KLF8: variants seen among roughly 807,000 people sequenced by gnomAD.
The protein encoded by KLF8 is KLF transcription factor 8, also known as Krueppel-like factor 8.
KLF8 carries 10 observed loss-of-function variants against 18.2 expected under a neutral mutation model. The ratio of observed to expected loss-of-function variants is 0.55; its 90% CI spans 0.34 to 0.93. KLF8 has a LOEUF of 0.93. KLF8 is among the 40% of genes least tolerant of loss of function. The pLI, the probability that KLF8 is intolerant of heterozygous loss-of-function variation, is 0.02. For synonymous variants in KLF8, 109 were observed against 97.3 expected, an observed-to-expected ratio of 1.12 and a Z score of -0.71; for missense variants, 264 against 277.9, an observed-to-expected ratio of 0.95 and a Z score of 0.36.
chrX:56,023,158 A>T, the KLF8 span, among the ~76,000 whole-genome samples: 5 of 111,857 alleles, frequency 4.5e-5, no homozygotes, highest in Non-Finnish European at 9.4e-5. Flanking sequence ...TTTGTATATT[A>T]TTTAATTTTA....
At chrX:56,053,191 C>T in the KLF8 span, among the ~76,000 whole-genome samples, 54 of 112,450 alleles carry the variant, frequency 4.8e-4, no homozygotes, top group Non-Finnish European at 3.8e-4. Flanking sequence ...GAGATGAACC[C>T]GGTACCTCAG....
chrX:56,043,323 G>A, the KLF8 span, among the ~76,000 whole-genome samples: 2 of 109,971 alleles, frequency 1.8e-5, no homozygotes, highest in African/African-American at 3.3e-5. Context: ...GTATCTTACA[G>A]GGGTTCTCTG....
At chrX:56,160,253 A>T in the KLF8 span, among the ~76,000 whole-genome samples, 1 of 111,795 alleles carries the variant, frequency 8.9e-6, no homozygotes, top group Non-Finnish European at 1.9e-5. Flanking sequence ...GGTCTGAGAG[A>T]CAGTTTGTTA....
At chrX:56,164,995 A>G in the KLF8 span, among the ~76,000 whole-genome samples, 1 of 84,600 alleles carries the variant, frequency 1.2e-5, no homozygotes, top group Non-Finnish European at 2.2e-5. Context: ...GAGTGGGAAT[A>G]TGCGGTGTTT....
chrX:56,157,223 C>T, the KLF8 span, among the ~76,000 whole-genome samples: 44 of 72,091 alleles, frequency 6.1e-4, no homozygotes, highest in Middle Eastern at 8.3e-3. Context: ...CATCACACAC[C>T]GGGGCCTGTT....
At chrX:56,038,984 A>G in the KLF8 span, among the ~76,000 whole-genome samples, 1 of 110,964 alleles carries the variant, frequency 9.0e-6, no homozygotes, top group East Asian at 2.8e-4. Context: ...TTTTTTCCCT[A>G]TGTTTGATGG....
intron 2 of KLF8, among the ~76,000 whole-genome samples, chrX:56,256,938 G>A (rs1412117215): frequency 8.9e-6 from 1 of 111,819 alleles, no homozygotes; most frequent in African/African-American, 3.3e-5. Flanking sequence ...CCCAACCTCA[G>A]GTGATCTGTC....
At chrX:56,187,601 G>A in the KLF8 span, among the ~76,000 whole-genome samples, 1 of 111,736 alleles carries the variant, frequency 8.9e-6, no homozygotes, top group Non-Finnish European at 1.9e-5. Context: ...TATCCTTGAT[G>A]AACATCGATG....
chrX:55,961,211 G>A, the KLF8 span: 1 of 287,746 alleles, frequency 3.5e-6, no homozygotes, highest in Non-Finnish European at 6.4e-6. Flanking sequence ...GTCCAGCGTG[G>A]CCCTGCTGCA....
At chrX:56,261,345 G>A (rs2066880659) in intron 2 of KLF8, among the ~76,000 whole-genome samples, 1 of 111,395 alleles carries the variant, frequency 9.0e-6, no homozygotes, top group South Asian at 3.8e-4. Flanking sequence ...GGAAATTCAG[G>A]ATAAAGTCTT....
Position 56,265,681 on chromosome X carries a change from G to A in KLF8, c.583G>A (p.Asp195Asn). Reference sequence around the variant, plus strand: ...CATGGTGTATACTACTTTGCCTGCAGATGGGGGCCCTGCAGCCATTACAGT... The same window carrying A: ...CATGGTGTATACTACTTTGCCTGCAAATGGGGGCCCTGCAGCCATTACAGT... ...LPMVYTTLPADGGPAAITVPL... is the reference protein window; with the variant it reads ...LPMVYTTLPANGGPAAITVPL... The change falls in exon 3 of 6, where the codon GAT becomes AAT. Residue 195 changes from aspartate (D) to asparagine (N), a missense_variant. By Grantham distance (23) the Asp-to-Asn change is conservative (BLOSUM62 1). Around this residue, in one of 2 missense-constraint regions of KLF8, gnomAD observed 221 missense variants for 193.6 expected, o/e 1.14. Transcript: ENST00000468660. 8.3e-7 allele frequency: 1 copy of A among 1,209,303 alleles called. No homozygotes were observed.
the KLF8 span, among the ~76,000 whole-genome samples, chrX:55,934,096 C>G: frequency 2.7e-5 from 3 of 111,995 alleles, no homozygotes; most frequent in Non-Finnish European, 5.6e-5. Context: ...AAATTGTATA[C>G]AGTTTTCTTG....
intron 5 of KLF8, among the ~76,000 whole-genome samples, chrX:56,282,900 T>C (rs1200304537): frequency 1.8e-5 from 2 of 112,005 alleles, no homozygotes; most frequent in African/African-American, 6.5e-5. Flanking sequence ...ATTTTTATTA[T>C]ATGATACAAC....
At chrX:56,229,418 G>C (rs1207096705), upstream of KLF8, among the ~76,000 whole-genome samples, 3 of 111,706 alleles carry the variant, frequency 2.7e-5, no homozygotes, top group Admixed American at 9.5e-5. Context: ...TGAAAATATC[G>C]CAGGTTGCTA....
At chrX:55,914,996 T>C in the KLF8 span, among the ~76,000 whole-genome samples, 2 of 110,940 alleles carry the variant, frequency 1.8e-5, no homozygotes. Flanking sequence ...GGTCAGTCAA[T>C]GAAGACCAGA....
At chrX:56,195,416 T>A in the KLF8 span, among the ~76,000 whole-genome samples, 1 of 112,017 alleles carries the variant, frequency 8.9e-6, no homozygotes, top group East Asian at 2.8e-4. Flanking sequence ...AAAACCATGG[T>A]TTGAGAACTT....
chrX:56,045,849 A>AAAGATTGC, the KLF8 span, among the ~76,000 whole-genome samples: 1 of 111,035 alleles, frequency 9.0e-6, no homozygotes, highest in South Asian at 3.8e-4. Flanking sequence ...TATCATCAGC[A>AAAGATTGC]AAGATTGCTC....
the KLF8 span, among the ~76,000 whole-genome samples, chrX:55,926,718 TA>T: frequency 9.0e-6 from 1 of 111,028 alleles, no homozygotes; most frequent in Non-Finnish European, 1.9e-5. Flanking sequence ...TGACTCTGAA[TA>T]AATACAGCAT....
the KLF8 span, among the ~76,000 whole-genome samples, chrX:56,065,416 AT>A: frequency 7.2e-5 from 8 of 111,835 alleles, no homozygotes; most frequent in South Asian, 7.3e-4. Flanking sequence ...TTAGTTCCAG[AT>A]TTTTTTATGA....
Sources: gnomAD v4.1 joint callset for allele counts (sites outside exome capture counted in the v4.1 genomes callset) on GRCh38, gnomAD v4.1.1 for gene constraint, gnomAD v4.1.1 regional missense constraint, MANE v1.5 for transcripts, NCBI Gene and HGNC (gene_info 2026-07-23, HGNC 2026-07-21) for gene names.